PITPNM2: variants seen among roughly 807,000 people sequenced by gnomAD.
PITPNM2 encodes phosphatidylinositol transfer protein membrane associated 2, also known as membrane-associated phosphatidylinositol transfer protein 2.
Under a neutral mutation model 132.2 loss-of-function variants are expected in PITPNM2, and 35 were observed. The observed-to-expected ratio is 0.26, with a 90% CI of 0.20 to 0.35. The LOEUF (loss-of-function observed/expected upper bound fraction) is 0.35. PITPNM2 is among the 10% of genes least tolerant of loss of function. PITPNM2 has a pLI of 1.00. For synonymous variants in PITPNM2, 738 were observed against 799.2 expected, an observed-to-expected ratio of 0.92 and a Z score of 1.29; for missense variants, 1,332 against 1,912.0, an observed-to-expected ratio of 0.70 and a Z score of 5.66.
chr12:123,004,428 A>T lies in PITPNM2; in HGVS notation c.1014T>A (p.Asp338Glu), dbSNP rs2038832445. 2 of 1,613,980 alleles carry T rather than the reference A, an allele frequency of 1.2e-6. No individual in the cohort carries two copies. Among genetic ancestry groups the T allele is most frequent in the Non-Finnish European group, 1.7e-6 (2 of 1,180,030 alleles). Residue 338 changes from aspartate to glutamate, a missense_variant, in exon 8 of 26, where the codon GAT (aspartate) becomes GAA (glutamate). By Grantham distance (45) the Asp-to-Glu change is conservative. This residue lies in a region of PITPNM2 where 710 missense variants were observed against 911.5 expected (regional missense o/e 0.78). Coordinates refer to ENST00000320201, the MANE Select transcript of PITPNM2 (RefSeq NM_020845.3). The surrounding 1 kb of genome is among the most constrained non-coding windows in gnomAD (Gnocchi z 4.9). ...WRMQSIARDS[D>E]ESSDDEFFDA... Reference sequence around the variant, plus strand: ...CGAAGAACTCATCATCTGAGCTCTCATCCGAGTCCCTGGCAATACTCTGCA... The same window carrying T: ...CGAAGAACTCATCATCTGAGCTCTCTTCCGAGTCCCTGGCAATACTCTGCA...
intron 1 of PITPNM2, among the ~76,000 whole-genome samples, chr12:123,120,446 G>A (rs1255524597): frequency 6.6e-6 from 1 of 152,218 alleles, no homozygotes; most frequent in Non-Finnish European, 1.5e-5. Context: ...TAGGACTAGT[G>A]CCTTTCTCTC....
At chr12:123,071,683 T>A (rs1229538252) in intron 2 of PITPNM2, among the ~76,000 whole-genome samples, 1 of 152,228 alleles carries the variant, frequency 6.6e-6, no homozygotes, top group Admixed American at 6.5e-5. Flanking sequence ...AAGACGATCA[T>A]CCGCTTCACA....
chr12:123,056,211 C>T (rs2136704080), intron 2 of PITPNM2, among the ~76,000 whole-genome samples: 1 of 152,320 alleles, frequency 6.6e-6, no homozygotes, highest in East Asian at 1.9e-4. Context: ...ACTGCAGCGT[C>T]AGGCCAAGCT....
chr12:123,128,496 G>A (rs887968871), intron 1 of PITPNM2, among the ~76,000 whole-genome samples: 3 of 146,278 alleles, frequency 2.1e-5, no homozygotes, highest in Non-Finnish European at 4.5e-5. Context: ...GCTCATGCCT[G>A]TAATCTCAGC....
rs1291033470 is a variant in PITPNM2 at position 122,987,265 on chromosome 12, C to T, written c.3413+16G>A. 1.9e-6 allele frequency: 3 copies of T among 1,611,038 alleles called. No homozygotes were observed. Among genetic ancestry groups the T allele is most frequent in the East Asian group, 2.2e-5 (1 of 44,874 alleles). On this transcript the variant is annotated intron_variant, in intron 23 of 25. Transcript: ENST00000320201. ...CACCTTGCTACAGCCCCTTTGTGCC[C>T]CTCTGGGCCACTCACCGCACCACGT...
At chr12:123,145,871 A>G (rs1479345142) in intron 1 of PITPNM2, among the ~76,000 whole-genome samples, 9 of 152,338 alleles carry the variant, frequency 5.9e-5, no homozygotes, top group African/African-American at 1.9e-4. Flanking sequence ...TTGCAGCACT[A>G]TTCACAATAG....
At chr12:123,019,850 T>A (rs1453265427) in intron 3 of PITPNM2, among the ~76,000 whole-genome samples, 1 of 152,134 alleles carries the variant, frequency 6.6e-6, no homozygotes, top group African/African-American at 2.4e-5. Flanking sequence ...AGGGGAGGCC[T>A]TCACTCAGCC....
chr12:123,044,016 T>TA (rs887931041), intron 2 of PITPNM2, among the ~76,000 whole-genome samples: 7 of 152,226 alleles, frequency 4.6e-5, no homozygotes, highest in Non-Finnish European at 8.8e-5. Context: ...ACAGAGCTAC[T>TA]ACCACCACCA....
At position 123,078,093 on chromosome 12, in the gene PITPNM2, G is replaced by A. The variant is rs557560394; in HGVS notation, c.-96+32292C>T. On this transcript the variant is annotated intron_variant, in intron 2 of 25. Transcript: ENST00000320201. This position sits in a 1 kb window ranked among gnomAD's most constrained non-coding sequence, Gnocchi z 7.3. ...GAGAAAGGCAGGCCGGAGAGGAAGG[G>A]GTGGGGAGCGGAGAGGGAGGGCGGG... Among the ~76,000 whole-genome samples, 1 of 152,330 alleles carries A rather than the reference G, an allele frequency of 6.6e-6. No individual in the cohort carries two copies. The highest frequency in any genetic ancestry group is 2.4e-5 in the African/African-American group (1 of 41,576).
intron 23 of PITPNM2, among the ~76,000 whole-genome samples, 195 bp downstream of exon 23, chr12:122,987,085 AG>A (rs2037968246): frequency 6.6e-6 from 1 of 152,242 alleles, no homozygotes; most frequent in Non-Finnish European, 1.5e-5. Context: ...GCCGACATTG[AG>A]AAGTGACATC....
In PITPNM2 at chr12:122,987,921, C is replaced by A. The variant is rs780806809; in HGVS notation, c.2998-20G>T. ...CACGTTCTGTGGAGGGAGTGGCAAG[C>A]CCAGGTCAGGGGGTCGGAGGGCACC... On this transcript the variant is annotated intron_variant, in intron 20 of 25. Transcript: ENST00000320201. The A allele has an allele frequency of 3.1e-6, 5 of 1,599,024 alleles. No individual in the cohort carries two copies. Among genetic ancestry groups the A allele is most frequent in the South Asian group, 1.1e-5 (1 of 88,910 alleles).
chr12:123,039,376 C>T (rs532081453), intron 2 of PITPNM2, among the ~76,000 whole-genome samples: 40 of 152,256 alleles, frequency 2.6e-4, no homozygotes, highest in Middle Eastern at 3.4e-3. Context: ...CTGATGAACA[C>T]GGCATTGATA....
chr12:122,996,725 C>A lies in PITPNM2; in HGVS notation c.1658G>T (p.Gly553Val). ...IKSQEGMTFN[G>V]QVCLIGDCVG... ...CCCAACTTCCCCGGGACTCACCTGC[C>A]CATTGAAGGTCATGCCCTCCTGGGA... The change falls in exon 12 of 26, where the codon GGG becomes GTG. Residue 553 changes from glycine (G) to valine (V), a missense_variant. Gly to Val is a moderately radical substitution (Grantham distance 109). Around this residue, in one of 6 missense-constraint regions of PITPNM2, gnomAD observed 710 missense variants for 911.5 expected, o/e 0.78. Coordinates refer to ENST00000320201, the MANE Select transcript of PITPNM2 (RefSeq NM_020845.3). 1 of 1,611,438 alleles carries A rather than the reference C, an allele frequency of 6.2e-7. No homozygotes were observed. Among genetic ancestry groups the A allele is most frequent in the Non-Finnish European group, 8.5e-7 (1 of 1,179,262 alleles).
intron 1 of PITPNM2, among the ~76,000 whole-genome samples, chr12:123,115,440 C>T (rs2042917797): frequency 6.6e-6 from 1 of 152,050 alleles, no homozygotes. Context: ...GCCCAAAGAA[C>T]AAAACCCAGA....
At chr12:123,114,566 G>A (rs1436181739) in intron 1 of PITPNM2, among the ~76,000 whole-genome samples, 1 of 151,414 alleles carries the variant, frequency 6.6e-6, no homozygotes, top group Non-Finnish European at 1.5e-5. Context: ...TGTGCCCCTT[G>A]GAAAGCCATG....
At position 122,994,973 on chromosome 12, in the gene PITPNM2, A is replaced by C. The variant is rs1193871063; in HGVS notation, c.2061T>G (p.His687Gln). The stretch of plus-strand genomic sequence containing the variant: ...AGGGCTCAGTCCTCAGCACGCTGGC[A>C]TGGAGGCTGCAGACCCAAATAAGAC... ...QQHQAFLSSL[H>Q]ASVLRTEPCS... is the part of the protein sequence containing the mutation. Residue 687 changes from histidine to glutamine, a missense_variant, in exon 15 of 26, where the codon CAT (histidine) becomes CAG (glutamine). By Grantham distance (24) the His-to-Gln change is conservative. Transcript: ENST00000320201. This position sits in a 1 kb window ranked among gnomAD's most constrained non-coding sequence, Gnocchi z 5.4. 3 of 1,604,744 alleles carry C rather than the reference A, an allele frequency of 1.9e-6. No homozygotes were observed. The highest frequency in any genetic ancestry group is 1.7e-4 in the Middle Eastern group (1 of 6,046).
chr12:123,006,527 C>A (rs910206886), intron 6 of PITPNM2, among the ~76,000 whole-genome samples: 10 of 150,624 alleles, frequency 6.6e-5, no homozygotes, highest in African/African-American at 2.2e-4. Flanking sequence ...ACAGGGAGAT[C>A]CCCCATCTCT....
At chr12:123,147,711 G>C (rs2043646623) in intron 1 of PITPNM2, among the ~76,000 whole-genome samples, 1 of 152,174 alleles carries the variant, frequency 6.6e-6, no homozygotes, top group Non-Finnish European at 1.5e-5. Context: ...CAGTTGGAAA[G>C]ACAGTGTGGT....
intron 3 of PITPNM2, among the ~76,000 whole-genome samples, chr12:123,020,354 C>A (rs1220691320): frequency 6.6e-6 from 1 of 152,138 alleles, no homozygotes; most frequent in East Asian, 1.9e-4. Context: ...CTCCTGACCT[C>A]AAGTGATCTG....
Sources: allele counts gnomAD v4.1 joint callset (sites outside exome capture counted in the v4.1 genomes callset), GRCh38; gene constraint gnomAD v4.1.1; regional missense constraint gnomAD v4.1.1; non-coding constraint Gnocchi (gnomAD v3.1); transcripts MANE v1.5; gene names NCBI Gene and HGNC (gene_info 2026-07-23, HGNC 2026-07-21).